The following ADGRV1 variants were observed in gnomAD, a reference collection of about 807,000 sequenced individuals.
The protein encoded by ADGRV1 is adhesion G protein-coupled receptor V1, also known as G-protein coupled receptor 98.
A neutral mutation model predicts 596.2 loss-of-function variants in ADGRV1; 359 were observed. That is an observed-to-expected ratio of 0.60 (90% confidence interval 0.55 to 0.66). The LOEUF (loss-of-function observed/expected upper bound fraction) is 0.66, where lower values mean the gene tolerates loss of function less well. ADGRV1 is among the 30% of genes least tolerant of loss of function. The pLI is 0.00. For missense variants in ADGRV1, 7,274 were observed against 7,575.6 expected, an observed-to-expected ratio of 0.96 and a Z score of 1.48; for synonymous variants, 2,681 against 2,679.2, an observed-to-expected ratio of 1.00 and a Z score of -0.02.
chr5:91,061,772 G>T (rs897681965), intron 85 of ADGRV1, among the ~76,000 whole-genome samples: 2 of 152,186 alleles, frequency 1.3e-5, no homozygotes, highest in Non-Finnish European at 2.9e-5. Flanking sequence ...TGTAGAGTTA[G>T]TTAGCAATTC....
chr5:90,994,375 T>C (rs1293163808), intron 85 of ADGRV1, among the ~76,000 whole-genome samples: 1 of 152,178 alleles, frequency 6.6e-6, no homozygotes, highest in Non-Finnish European at 1.5e-5. Flanking sequence ...GTTATTGTAC[T>C]TTTCAATTCA....
intron 1 of ADGRV1, among the ~76,000 whole-genome samples, chr5:90,584,379 T>G (rs1278806017): frequency 6.6e-6 from 1 of 152,186 alleles, no homozygotes; most frequent in Admixed American, 6.6e-5. Context: ...TGTTTTTAAT[T>G]TTTACTTTTC....
intron 82 of ADGRV1, among the ~76,000 whole-genome samples, chr5:90,860,806 G>A (rs1767481439): frequency 6.6e-6 from 1 of 151,384 alleles, no homozygotes; most frequent in Admixed American, 6.6e-5. Flanking sequence ...GGATTTATCT[G>A]TAGAGAAGGC....
chr5:90,814,031 C>G (rs1016331950), intron 74 of ADGRV1, among the ~76,000 whole-genome samples: 1 of 152,126 alleles, frequency 6.6e-6, no homozygotes, highest in Non-Finnish European at 1.5e-5. Flanking sequence ...AATGAGGGTT[C>G]TGCTGTGATA....
intron 1 of ADGRV1, among the ~76,000 whole-genome samples, chr5:90,587,464 C>T (rs563182710): frequency 1.3e-5 from 2 of 151,610 alleles, no homozygotes; most frequent in Admixed American, 6.6e-5. Context: ...AAAGTCATGA[C>T]GTGATACTGA....
rs191108751 is a variant in ADGRV1 at position 90,809,056 on chromosome 5, C to T, written c.14973-1177C>T. Among the ~76,000 whole-genome samples, 1,350 of 151,276 alleles carry T rather than the reference C, an allele frequency of 8.9e-3. 9 individuals carry two copies. The highest frequency in any genetic ancestry group is 0.016 in the South Asian group (74 of 4,768). ...CCGCCTCCCGGGTTCACGCCATTCT[C>T]CTGCCTCAGCCTCCCGAGTAGCTGG... On this transcript the variant is annotated intron_variant, in intron 73 of 89. Coordinates refer to ENST00000405460, the MANE Select transcript of ADGRV1 (RefSeq NM_032119.4).
At chr5:90,644,915 A>G (rs756237779) in intron 15 of ADGRV1, 46 bp downstream of exon 15, 1 of 1,301,444 alleles carries the variant, frequency 7.7e-7, no homozygotes, top group Non-Finnish European at 1.0e-6. Flanking sequence ...GTAGTTGATC[A>G]ATAATTATTT....
At chr5:91,026,431 G>A (rs368115138) in intron 85 of ADGRV1, among the ~76,000 whole-genome samples, 35 of 152,084 alleles carry the variant, frequency 2.3e-4, no homozygotes, top group African/African-American at 8.2e-4. Context: ...TTCTATCTCA[G>A]TACAATTCCC....
chr5:90,758,055 C>T (rs1756024670), intron 57 of ADGRV1, among the ~76,000 whole-genome samples: 1 of 152,018 alleles, frequency 6.6e-6, no homozygotes. Context: ...GAAACATTTC[C>T]TAAGTAAAAA....
chr5:90,935,966 G>A (rs1430587487), intron 83 of ADGRV1, among the ~76,000 whole-genome samples: 1 of 152,000 alleles, frequency 6.6e-6, no homozygotes, highest in Non-Finnish European at 1.5e-5. Flanking sequence ...TACAGCCTGA[G>A]CAACATAGCG....
chr5:91,038,174 A>G (rs971863928), intron 85 of ADGRV1, among the ~76,000 whole-genome samples: 2 of 152,216 alleles, frequency 1.3e-5, no homozygotes, highest in African/African-American at 4.8e-5. Flanking sequence ...TATTCTGGGT[A>G]GAAGGAAGAC....
At chr5:90,610,837 C>T (rs544204533) in intron 1 of ADGRV1, among the ~76,000 whole-genome samples, 2 of 152,126 alleles carry the variant, frequency 1.3e-5, no homozygotes, top group South Asian at 4.1e-4. Context: ...GATTCAAGAG[C>T]TTAAGCTTGA....
chr5:91,095,423 C>T (rs942056343), intron 86 of ADGRV1, among the ~76,000 whole-genome samples: 4 of 152,146 alleles, frequency 2.6e-5, no homozygotes, highest in African/African-American at 9.7e-5. Flanking sequence ...TGACCCCAGT[C>T]TTTAACTTTG....
chr5:91,022,225 A>G (rs1202466098), intron 85 of ADGRV1, among the ~76,000 whole-genome samples: 1 of 152,060 alleles, frequency 6.6e-6, no homozygotes, highest in East Asian at 1.9e-4. Flanking sequence ...AGCAGATTCT[A>G]TCCAGTGTAT....
chr5:90,792,422 C>T (rs1306039201), intron 70 of ADGRV1: 1 of 152,148 alleles, frequency 6.6e-6, no homozygotes, highest in Non-Finnish European at 1.5e-5. Context: ...GTTGTGTACT[C>T]GAGCCTTTTG....
Position 90,627,349 on chromosome 5 carries a change from T to C in ADGRV1, c.811T>C (p.Leu271=), listed in dbSNP as rs1764898941. Residue 271 remains leucine (L), a synonymous_variant, in exon 7 of 90, where the codon TTG becomes CTG. Transcript: ENST00000405460. ...CGTGAGATTCCTTCAGAGTATTTAT[T>C]TGGTTCCTGAGGAAGACCACATACT... ...SPVRFLQSIY[L]VPEEDHILII... is the part of the protein sequence containing the mutation. 1 of 1,613,800 alleles carries C rather than the reference T, an allele frequency of 6.2e-7. No homozygotes were observed. Among genetic ancestry groups the C allele is most frequent in the African/African-American group, 1.3e-5 (1 of 74,934 alleles).
At chr5:90,747,239 T>C (rs184706099) in intron 52 of ADGRV1, among the ~76,000 whole-genome samples, 2 of 152,174 alleles carry the variant, frequency 1.3e-5, no homozygotes, top group Non-Finnish European at 2.9e-5. Context: ...CCCTGCAGTG[T>C]AGCCCTGCCC....
intron 86 of ADGRV1, among the ~76,000 whole-genome samples, chr5:91,100,132 A>T (rs1345357289): frequency 6.6e-6 from 1 of 152,128 alleles, no homozygotes; most frequent in Non-Finnish European, 1.5e-5. Context: ...GAAATAAACA[A>T]TGATAGTGGC....
rs1750784805 is a variant in ADGRV1 at position 90,720,601 on chromosome 5, TC to T, written c.9624-333del. On this transcript the variant is annotated intron_variant, in intron 44 of 89. Coordinates refer to ENST00000405460, the MANE Select transcript of ADGRV1 (RefSeq NM_032119.4). ...TTAACATGATTGTGGTTTTAAAATT[TC>T]TTCTAGAGGCTGACAAATATTTATT... Among the ~76,000 whole-genome samples, 4 of 152,120 alleles carry T rather than the reference TC, an allele frequency of 2.6e-5. No individual in the cohort carries two copies. In the South Asian group the frequency reaches 8.3e-4, roughly 31 times the overall value.
Sources: allele counts gnomAD v4.1 joint callset (sites outside exome capture counted in the v4.1 genomes callset), GRCh38; gene constraint gnomAD v4.1.1; transcripts MANE v1.5; gene names NCBI Gene and HGNC (gene_info 2026-07-23, HGNC 2026-07-21).